PLET1: variants seen among roughly 807,000 people sequenced by gnomAD.
The protein encoded by PLET1 is placenta expressed transcript 1.
A neutral mutation model predicts 18.5 loss-of-function variants in PLET1; 20 were observed. The ratio of observed to expected loss-of-function variants is 1.08; its 90% CI spans 0.76 to 1.57. The LOEUF is 1.57. Among genes scored for constraint, PLET1 ranks in the 40% most tolerant of loss-of-function variants. PLET1 has a pLI of 0.00. For missense variants in PLET1, 256 were observed against 246.4 expected (o/e 1.04, Z -0.26); for synonymous variants, 93 against 93.8 (o/e 0.99, Z 0.05).
chr11:112,257,146 T>C (rs1860232195), intron 1 of PLET1, among the ~76,000 whole-genome samples: 1 of 152,234 alleles, frequency 6.6e-6, no homozygotes, highest in South Asian at 2.1e-4. Flanking sequence ...CACATGTTTT[T>C]GGACTGTAAG....
Position 112,248,523 on chromosome 11 carries a change from CAATAGGGAG to C in PLET1, c.*267_*275del, listed in dbSNP as rs1860123158. ...GGAATTGGCTGCCAACCTGTTCAAC[CAATAGGGAG>C]AACCTAGGTGACTAAGTTCCGGCCA... is the stretch of plus-strand genomic sequence containing the variant. On this transcript the variant is annotated 3_prime_UTR_variant, in exon 4 of 4. Coordinates refer to ENST00000338832, the MANE Select transcript of PLET1 (RefSeq NM_001145024.1). The C allele has an allele frequency of 2.3e-6, 1 of 441,588 alleles. No homozygotes were observed. The highest frequency in any genetic ancestry group is 4.0e-5 in the Admixed American group (1 of 24,850). 27.4% of individuals were successfully genotyped at this position (441,588 alleles called of 1,614,324 possible). A position where few individuals can be genotyped will look rare whatever the true frequency, so the allele number is the denominator to read the frequency against.
At chr11:112,254,627 T>TGTG in intron 2 of PLET1, among the ~76,000 whole-genome samples, 1 of 82,434 alleles carries the variant, frequency 1.2e-5, no homozygotes, top group South Asian at 5.7e-4. Flanking sequence ...GTGTGTGGTA[T>TGTG]GAGTGTGTGT....
intron 2 of PLET1, among the ~76,000 whole-genome samples, chr11:112,254,704 TGTATGTGTGTGTTGTGA>T (rs1435509117): frequency 2.2e-5 from 3 of 135,592 alleles, no homozygotes; most frequent in African/African-American, 8.4e-5. Context: ...GTGTGTGGTA[TGTATGTGTGTGTTGTGA>T]GTGTGTGTGT....
At chr11:112,258,456 G>A (rs1860248903) in intron 1 of PLET1, among the ~76,000 whole-genome samples, 1 of 151,712 alleles carries the variant, frequency 6.6e-6, no homozygotes, top group Non-Finnish European at 1.5e-5. Context: ...GCTAATTTTT[G>A]TGTTTTTAGT....
Position 112,248,708 on chromosome 11 carries a change from C to T in PLET1, c.*91G>A. On this transcript the variant is annotated 3_prime_UTR_variant, in exon 4 of 4. Transcript: ENST00000338832. ...TGCACATTTGAGAATGTAAAGCCTT[C>T]ATTTACACACATTCGGTTCCCAGCA... The T allele has an allele frequency of 7.2e-7, 1 of 1,384,696 alleles. No homozygotes were observed. The highest frequency in any genetic ancestry group is 9.8e-7 in the Non-Finnish European group (1 of 1,021,162). 85.8% of individuals were successfully genotyped at this position (1,384,696 alleles called of 1,614,324 possible). A position where few individuals can be genotyped will look rare whatever the true frequency, so the allele number is the denominator to read the frequency against.
chr11:112,256,686 A>G (rs1213440873), intron 1 of PLET1, among the ~76,000 whole-genome samples: 1 of 152,218 alleles, frequency 6.6e-6, no homozygotes, highest in Non-Finnish European at 1.5e-5. Flanking sequence ...ATGTGACTAT[A>G]TGCACACAAC....
intron 3 of PLET1, among the ~76,000 whole-genome samples, chr11:112,249,981 AAAAG>A (rs1170145388): frequency 2.7e-5 from 4 of 149,510 alleles, no homozygotes; most frequent in Non-Finnish European, 5.9e-5. Context: ...AAAAAAAAAA[AAAAG>A]GAAAAGGAAG....
chr11:112,250,198 C>T (rs1351431276), intron 3 of PLET1, among the ~76,000 whole-genome samples: 3 of 132,208 alleles, frequency 2.3e-5, no homozygotes, highest in East Asian at 2.2e-4. Context: ...CTGGAGCTAA[C>T]GAGTCCTGAC....
chr11:112,253,415 G>A (rs554047380), intron 2 of PLET1, among the ~76,000 whole-genome samples: 49 of 152,090 alleles, frequency 3.2e-4, no homozygotes, highest in African/African-American at 1.0e-3. Context: ...ACTCAGCCTC[G>A]CTGATCAAGG....
intron 3 of PLET1, among the ~76,000 whole-genome samples, chr11:112,251,054 C>T (rs1181378435): frequency 6.6e-6 from 1 of 152,144 alleles, no homozygotes; most frequent in Non-Finnish European, 1.5e-5. Flanking sequence ...TCGTGAGGAC[C>T]ACCTGTTGTT....
chr11:112,258,381 T>C (rs1218006065), intron 1 of PLET1, among the ~76,000 whole-genome samples: 2 of 150,094 alleles, frequency 1.3e-5, no homozygotes, highest in African/African-American at 4.9e-5. Flanking sequence ...CCTCCTGGGC[T>C]CAAGCCATCC....
In PLET1 at chr11:112,254,467, G is replaced by A. The variant is rs1253111856; in HGVS notation, c.386+921C>T. Among the ~76,000 whole-genome samples, 4 of 149,064 alleles carry A rather than the reference G, an allele frequency of 2.7e-5. No individual in the cohort carries two copies. In the East Asian group the frequency reaches 7.9e-4, roughly 30 times the overall value. ...CGTGTGTGTGGTGTGTGTGGTGTGA[G>A]TGGTGCATGTGGTATGTATGTGTGT... On this transcript the variant is annotated intron_variant, in intron 2 of 3. Coordinates refer to ENST00000338832, the MANE Select transcript of PLET1 (RefSeq NM_001145024.1).
intron 1 of PLET1, 183 bp downstream of exon 1, chr11:112,260,223 A>T (rs1389911171): frequency 1.1e-5 from 7 of 619,332 alleles, no homozygotes; most frequent in Non-Finnish European, 1.8e-5. Context: ...AGGAATTTGC[A>T]GAAATAGCCC....
At chr11:112,254,219 GA>G (rs1566828508) in intron 2 of PLET1, among the ~76,000 whole-genome samples, 1,697 of 146,242 alleles carry the variant, frequency 0.012, 36 homozygotes, top group African/African-American at 0.038. Context: ...GTGTGTGTGT[GA>G]AAAGGGGGTA....
Position 112,255,515 on chromosome 11 carries a change from G to T in PLET1, c.259C>A (p.Leu87Ile), listed in dbSNP as rs761145284. ...CAATTTTTATCCGCTCTTTGCCAGAGGCCCGCTGAGTCACTGTTCTCGTCC... is the reference window on the plus strand; with the variant it reads ...CAATTTTTATCCGCTCTTTGCCAGATGCCCGCTGAGTCACTGTTCTCGTCC... ...TLDENSDSAG[L>I]WQRADKNCYS... The change falls in exon 2 of 4, where the codon CTC becomes ATC. Residue 87 changes from leucine to isoleucine, a missense_variant. Physicochemically the swap from Leu to Ile is conservative, Grantham distance 5. Transcript: ENST00000338832. The T allele has an allele frequency of 6.4e-7, 1 of 1,551,750 alleles. No homozygotes were observed.
intron 2 of PLET1, among the ~76,000 whole-genome samples, chr11:112,254,511 G>GTGTGTGTGGTATGTA (rs1267340221): frequency 7.3e-6 from 1 of 137,774 alleles, no homozygotes; most frequent in Admixed American, 7.0e-5. Context: ...AGTGTGTGTG[G>GTGTGTGTGGTATGTA]TGTGTGTGGT....
At chr11:112,253,315 G>GACCT (rs200778449) in intron 2 of PLET1, among the ~76,000 whole-genome samples, 6,276 of 152,086 alleles carry the variant, frequency 0.041, 337 homozygotes, top group African/African-American at 0.13. Context: ...CATGAGTAGG[G>GACCT]ACCTCTTCCC....
At chr11:112,256,385 G>A (rs1394901751) in intron 1 of PLET1, among the ~76,000 whole-genome samples, 6 of 152,106 alleles carry the variant, frequency 3.9e-5, no homozygotes, top group Admixed American at 2.6e-4. Context: ...GAAGCAAATT[G>A]ATCATGCAAC....
At chr11:112,258,596 T>G (rs1860250872) in intron 1 of PLET1, among the ~76,000 whole-genome samples, 1 of 152,218 alleles carries the variant, frequency 6.6e-6, no homozygotes. Flanking sequence ...AGATTTCTCT[T>G]TCCTCCATTG....
Sources: allele counts gnomAD v4.1 joint callset (sites outside exome capture counted in the v4.1 genomes callset), GRCh38; gene constraint gnomAD v4.1.1; transcripts MANE v1.5; gene names NCBI Gene and HGNC (gene_info 2026-07-23, HGNC 2026-07-21).